ADAM10: variants seen among roughly 807,000 people sequenced by gnomAD.
ADAM10 encodes ADAM metallopeptidase domain 10, also known as disintegrin and metalloproteinase domain-containing protein 10.
ADAM10 carries 17 observed loss-of-function variants against 90.1 expected under a neutral mutation model. That is an observed-to-expected ratio of 0.19 (90% CI 0.13 to 0.28). The LOEUF (loss-of-function observed/expected upper bound fraction) is 0.28, where lower values mean the gene tolerates loss of function less well. ADAM10 is among the 10% of genes least tolerant of loss of function. The pLI, the probability that ADAM10 is intolerant of heterozygous loss-of-function variation, is 1.00. For synonymous variants in ADAM10, 310 were observed against 298.6 expected (o/e 1.04, Z -0.40); for missense variants, 610 against 914.3 (o/e 0.67, Z 4.29).
At chr15:58,597,768 G>T in intron 15 of ADAM10, 127 bp from the exon 16 acceptor site, 1 of 924,886 alleles carries the variant, frequency 1.1e-6, no homozygotes, top group Non-Finnish European at 1.6e-6. Flanking sequence ...GGCCATCAAT[G>T]TAATTTAAAA....
Position 58,640,769 on chromosome 15 carries a change from T to C in ADAM10, c.1012+8A>G, listed in dbSNP as rs1896399156. The C allele has an allele frequency of 1.2e-6, 2 of 1,613,226 alleles. No individual in the cohort carries two copies. The highest frequency in any genetic ancestry group is 1.7e-5 in the Admixed American group (1 of 59,996). ...GTAAGTTAAGACATATTTAATATGA[T>C]AAACTACCTGAAGGTGCTCCAACCC... On this transcript the variant is annotated splice_region_variant and intron_variant, in intron 8 of 15. Coordinates refer to ENST00000260408, the MANE Select transcript of ADAM10 (RefSeq NM_001110.4).
chr15:58,748,106 T>C (rs1899850032), intron 1 of ADAM10: 1 of 152,194 alleles, frequency 6.6e-6, no homozygotes, highest in Non-Finnish European at 1.5e-5. Context: ...TCTTAATCTA[T>C]AATGTGTGTC....
At chr15:58,623,757 G>C (rs1895855367) in intron 10 of ADAM10, among the ~76,000 whole-genome samples, 1 of 152,054 alleles carries the variant, frequency 6.6e-6, no homozygotes, top group South Asian at 2.1e-4. Flanking sequence ...AGTGGGAGTT[G>C]AACAATGAGA....
chr15:58,646,016 A>T lies in ADAM10; in HGVS notation c.735+39T>A, dbSNP rs112156742. 67 of 1,608,754 alleles carry T rather than the reference A, an allele frequency of 4.2e-5. 2 individuals carry two copies. In the African/African-American group the frequency reaches 5.7e-4, roughly 14 times the overall value. The stretch of plus-strand genomic sequence containing the variant: ...AAGGAAAGAATAGGCATTATAAAAC[A>T]ATATGGGAACTACTAAAATAGCGCA... On this transcript the variant is annotated intron_variant, in intron 6 of 15. Transcript: ENST00000260408.
chr15:58,655,711 G>GTATGTATA (rs1896802057), intron 5 of ADAM10, among the ~76,000 whole-genome samples: 1 of 53,712 alleles, frequency 1.9e-5, no homozygotes, highest in African/African-American at 8.1e-5. Flanking sequence ...TATATATATA[G>GTATGTATA]TATATATATA....
At chr15:58,648,868 C>T (rs1278813760) in intron 5 of ADAM10, among the ~76,000 whole-genome samples, 1 of 151,926 alleles carries the variant, frequency 6.6e-6, no homozygotes, top group African/African-American at 2.4e-5. Flanking sequence ...TTAAAATCTA[C>T]TTTGGCTGAT....
chr15:58,735,476 T>G (rs1171957893), intron 1 of ADAM10, among the ~76,000 whole-genome samples: 1 of 152,204 alleles, frequency 6.6e-6, no homozygotes, highest in African/African-American at 2.4e-5. Context: ...AATCCATTGA[T>G]GCTCAAATCC....
chr15:58,616,690 T>C (rs1488616989), intron 11 of ADAM10, among the ~76,000 whole-genome samples: 1 of 151,886 alleles, frequency 6.6e-6, no homozygotes, highest in African/African-American at 2.4e-5. Flanking sequence ...AGTAGAAAGA[T>C]AAACAACCTA....
chr15:58,705,559 C>T (rs545528259), intron 2 of ADAM10, among the ~76,000 whole-genome samples: 31 of 152,256 alleles, frequency 2.0e-4, no homozygotes, highest in Middle Eastern at 3.4e-3. Flanking sequence ...GTTTTTCTTT[C>T]TCAAGCTTTA....
intron 10 of ADAM10, among the ~76,000 whole-genome samples, chr15:58,626,835 T>C (rs1895962855): frequency 1.3e-5 from 2 of 152,112 alleles, no homozygotes; most frequent in Admixed American, 1.3e-4. Context: ...TTAATGGTTA[T>C]AGAATTTCCA....
chr15:58,686,877 T>C (rs1293236187), intron 2 of ADAM10, among the ~76,000 whole-genome samples: 5 of 152,140 alleles, frequency 3.3e-5, no homozygotes, highest in Admixed American at 3.3e-4. Context: ...AACAAAAACC[T>C]TACCACCAAA....
At chr15:58,668,525 G>C (rs1273612868) in intron 4 of ADAM10, among the ~76,000 whole-genome samples, 6 of 152,052 alleles carry the variant, frequency 3.9e-5, no homozygotes, top group African/African-American at 1.4e-4. Flanking sequence ...CTTCTCCTGT[G>C]ATCACAGATT....
At chr15:58,672,785 G>GAAAAAAAAA (rs1897224088) in intron 4 of ADAM10, 1 of 29,358 alleles carries the variant, frequency 3.4e-5, no homozygotes, top group Non-Finnish European at 5.4e-5. Flanking sequence ...GCCTCATGCA[G>GAAAAAAAAA]CAAAAAAAAA....
intron 2 of ADAM10, chr15:58,691,429 A>T: frequency 1.5e-6 from 1 of 672,760 alleles, no homozygotes; most frequent in South Asian, 1.4e-5. Context: ...TGCTCTTTGC[A>T]CTCACCAATG....
chr15:58,695,753 G>A lies in ADAM10; in HGVS notation c.207-13439C>T, dbSNP rs142590690. On this transcript the variant is annotated intron_variant, in intron 2 of 15. Transcript: ENST00000260408. ...TCCCAACATTTTGGGAGGCTGAGGC[G>A]GATAGATATTTGAGGTCAGGAGTTC... is the stretch of plus-strand genomic sequence containing the variant. Among the ~76,000 whole-genome samples, 104 of 152,164 alleles carry A rather than the reference G, an allele frequency of 6.8e-4. 2 individuals are homozygous for A. The highest frequency in any genetic ancestry group is 1.6e-3 in the African/African-American group (68 of 41,508).
chr15:58,661,619 C>G (rs1282233485), intron 5 of ADAM10, among the ~76,000 whole-genome samples: 1 of 151,690 alleles, frequency 6.6e-6, no homozygotes, highest in African/African-American at 2.4e-5. Flanking sequence ...TGTAACATAC[C>G]CTGGTATGGT....
rs1173686286 is a variant in ADAM10 at position 58,594,647 on chromosome 15, G to GT, written c.*2899dup. ...ATAAATTTATTTTATTTCTGATTTT[G>GT]TTTGTGAATTGGTACCTGAATTTAT... On this transcript the variant is annotated 3_prime_UTR_variant, in exon 16 of 16. Coordinates refer to ENST00000260408, the MANE Select transcript of ADAM10 (RefSeq NM_001110.4). The GT allele has an allele frequency of 1.3e-5, 2 of 152,136 alleles. No homozygotes were observed. The highest frequency in any genetic ancestry group is 2.9e-5 in the Non-Finnish European group (2 of 67,996). 9.4% of individuals were successfully genotyped at this position (152,136 alleles called of 1,614,324 possible).
chr15:58,657,131 G>A (rs774435739), intron 5 of ADAM10, among the ~76,000 whole-genome samples: 4 of 151,950 alleles, frequency 2.6e-5, no homozygotes, highest in Non-Finnish European at 4.4e-5. Context: ...TTTCTTTATG[G>A]CCTTTGCTGG....
intron 1 of ADAM10, among the ~76,000 whole-genome samples, chr15:58,729,462 A>G (rs1177961210): frequency 4.6e-5 from 7 of 152,202 alleles, no homozygotes; most frequent in African/African-American, 1.7e-4. Flanking sequence ...CTCCCAGCAG[A>G]TCTACTGACC....
Sources: allele counts gnomAD v4.1 joint callset (sites outside exome capture counted in the v4.1 genomes callset), GRCh38; gene constraint gnomAD v4.1.1; transcripts MANE v1.5; gene names NCBI Gene and HGNC (gene_info 2026-07-23, HGNC 2026-07-21).